The following POTEI variants were observed in gnomAD, a reference collection of about 807,000 sequenced individuals.
POTEI encodes POTE ankyrin domain family member I.
In POTEI, 14 loss-of-function variants were observed where a neutral mutation model predicts 43.4. The ratio of observed to expected loss-of-function variants is 0.32; its 90% CI spans 0.21 to 0.50. POTEI has a LOEUF of 0.50. POTEI is among the 20% of genes least tolerant of loss of function. The probability of loss-of-function intolerance (pLI) is 0.98; values close to 1 mark genes in which losing one functional copy is unlikely to be tolerated. For missense variants in POTEI, 235 were observed against 795.4 expected (o/e 0.30, Z 8.47); for synonymous variants, 95 against 297.9 (o/e 0.32, Z 7.01).
At chr2:130,474,748 A>T (rs1243577667) in intron 12 of POTEI, among the ~76,000 whole-genome samples, 159 bp downstream of exon 12, 592 of 92,244 alleles carry the variant, frequency 6.4e-3, no homozygotes, top group African/African-American at 0.02. Flanking sequence ...ACCTCTTCAA[A>T]ATTCAATGTA....
At position 130,461,315 on chromosome 2, in the gene POTEI, T is replaced by A. The variant is rs1682626615; in HGVS notation, c.*1501A>T. 6.6e-6 allele frequency: 1 copy of A among 152,028 alleles called. No homozygotes were observed. The highest frequency in any genetic ancestry group is 1.5e-5 in the Non-Finnish European group (1 of 68,068). The allele number at this position is 152,028 out of a possible 1,614,324, so 9.4% of individuals were successfully genotyped here. A position where few individuals can be genotyped will look rare whatever the true frequency, so the allele number is the denominator to read the frequency against. Reference sequence around the variant, plus strand: ...GTCGCCCCAACAGCAAAGATGACAATCTGGTCCTCCCCCTGGGAGCTCTGA... The same window carrying A: ...GTCGCCCCAACAGCAAAGATGACAAACTGGTCCTCCCCCTGGGAGCTCTGA... On this transcript the variant is annotated 3_prime_UTR_variant, in exon 15 of 15. Transcript: ENST00000451531.
At chr2:130,477,143 T>C (rs1683222831) in intron 10 of POTEI, among the ~76,000 whole-genome samples, 3 of 151,538 alleles carry the variant, frequency 2.0e-5, no homozygotes, top group African/African-American at 4.9e-5. Context: ...AAATTTATTT[T>C]CTTTTTTTCT....
rs1682571782 is a variant in POTEI at position 130,459,821 on chromosome 2, C to A, written c.*2995G>T. 1 of 123,216 alleles carries A rather than the reference C, an allele frequency of 8.1e-6. No individual in the cohort carries two copies. Among genetic ancestry groups the A allele is most frequent in the South Asian group, 2.7e-4 (1 of 3,714 alleles). 7.6% of individuals were successfully genotyped at this position (123,216 alleles called of 1,614,324 possible). A position where few individuals can be genotyped will look rare whatever the true frequency, so the allele number is the denominator to read the frequency against. On this transcript the variant is annotated 3_prime_UTR_variant, in exon 15 of 15. Coordinates refer to ENST00000451531, the MANE Select transcript of POTEI (RefSeq NM_001277406.2). ...ATCTGGTGATACCAAATTCCCTCAG[C>A]ACTTGCTTGTCTGAAAAGGATCTTA...
At chr2:130,500,138 TTA>T (rs1684002864) in intron 4 of POTEI, among the ~76,000 whole-genome samples, 1 of 48,830 alleles carries the variant, frequency 2.0e-5, no homozygotes, top group African/African-American at 6.1e-5. Flanking sequence ...CAACCCCTAT[TTA>T]TGTTTAATAC....
intron 10 of POTEI, among the ~76,000 whole-genome samples, chr2:130,478,545 C>A (rs1377162023): frequency 6.6e-4 from 57 of 87,008 alleles, no homozygotes; most frequent in African/African-American, 2.7e-3. Flanking sequence ...TGGCTGCAGG[C>A]GGCAAGAGGG....
intron 3 of POTEI, among the ~76,000 whole-genome samples, chr2:130,501,887 CAA>C (rs1201943516): frequency 0.011 from 9 of 852 alleles, no homozygotes; most frequent in African/African-American, 0.012. Context: ...GACCCCATCT[CAA>C]AAAAAAAAAA....
chr2:130,463,809 C>T lies in POTEI; in HGVS notation c.2235G>A (p.Gly745=). Residue 745 remains glycine, a synonymous_variant, in exon 15 of 15, where the codon GGG becomes GGA. Coordinates refer to ENST00000451531, the MANE Select transcript of POTEI (RefSeq NM_001277406.2). ...VGRPRQQGMM[G]GMHQKESYVG... ...CATAGGACTCTTTCTGATGCATGCC[C>T]CCCATCATGCCCTGCTGCCTGGGGC... is the stretch of plus-strand genomic sequence containing the variant. 1 of 1,535,854 alleles carries T rather than the reference C, an allele frequency of 6.5e-7. No homozygotes were observed. The highest frequency in any genetic ancestry group is 8.7e-7 in the Non-Finnish European group (1 of 1,147,368).
rs773696885 is a variant in POTEI, at chr2:130,508,948, G to A, written c.288C>T (p.Ser96=). 6 of 1,591,068 alleles carry A rather than the reference G, an allele frequency of 3.8e-6. 1 individual carries two copies. In the East Asian group the frequency reaches 1.4e-4, roughly 38 times the overall value. The change falls in exon 1 of 15, where the codon AGC becomes AGT. Residue 96 remains serine (S), a synonymous_variant. Transcript: ENST00000451531. ...AGTGGCAGCACCACTTGCCCATCTT[G>A]CTCCTGAGCGTCTTCATAGCGGAGT... ...HDDSAMKTLR[S]KMGKWCCHCF... is the part of the protein sequence containing the mutation.
intron 6 of POTEI, among the ~76,000 whole-genome samples, chr2:130,491,714 G>A (rs868426266): frequency 0.081 from 7,494 of 92,796 alleles, 11 homozygotes; most frequent in Non-Finnish European, 0.12. Flanking sequence ...GTGCAGTGGC[G>A]CAATCTCAGC....
At position 130,471,343 on chromosome 2, in the gene POTEI, A is replaced by G. The variant is rs556334782; in HGVS notation, c.1778+3035T>C. 1.6e-4 allele frequency among the ~76,000 whole-genome samples: 2 copies of G among 12,266 alleles called. 1 individual carries two copies. Among genetic ancestry groups the G allele is most frequent in the African/African-American group, 1.8e-4 (2 of 11,420 alleles). 8.0% of individuals were successfully genotyped at this position (12,266 alleles called of 152,430 possible). The stretch of plus-strand genomic sequence containing the variant: ...GAGAGAAAGATCAGTCAAGAATAAC[A>G]CTGAGGTTTTTGGCAGAGCAACTGG... On this transcript the variant is annotated intron_variant, in intron 13 of 14. Coordinates refer to ENST00000451531, the MANE Select transcript of POTEI (RefSeq NM_001277406.2).
At chr2:130,468,614 G>A (rs1682934146) in intron 13 of POTEI, among the ~76,000 whole-genome samples, 1 of 151,628 alleles carries the variant, frequency 6.6e-6, no homozygotes, top group Admixed American at 6.6e-5. Flanking sequence ...CCGACCCCAT[G>A]AGCCAATCAC....
chr2:130,491,473 C>T (rs556336767), intron 6 of POTEI, among the ~76,000 whole-genome samples: 17 of 133,284 alleles, frequency 1.3e-4, no homozygotes, highest in South Asian at 3.0e-4. Flanking sequence ...TGAGCTGGTG[C>T]GAACCTAAAT....
At chr2:130,483,952 C>T (rs2672109) in intron 9 of POTEI, among the ~76,000 whole-genome samples, 5 of 150,340 alleles carry the variant, frequency 3.3e-5, no homozygotes, top group South Asian at 2.1e-4. Context: ...ACTTATTTAA[C>T]AAGTATTTAT....
intron 13 of POTEI, among the ~76,000 whole-genome samples, chr2:130,474,156 C>G (rs1460436278): frequency 6.6e-6 from 1 of 151,092 alleles, no homozygotes; most frequent in East Asian, 1.9e-4. Flanking sequence ...GAAGAAAATG[C>G]CTTTTCCCTC....
rs1682648543 is a variant in POTEI at position 130,461,869 on chromosome 2, TCA to T, written c.*945_*946del. ...ATGGCGGCCTGCCCCGTCTTTTCTC[TCA>T]GAGTTTTATCTTGTTTCATGGAGCT... On this transcript the variant is annotated 3_prime_UTR_variant, in exon 15 of 15. Coordinates refer to ENST00000451531, the MANE Select transcript of POTEI (RefSeq NM_001277406.2). 2 of 151,958 alleles carry T rather than the reference TCA, an allele frequency of 1.3e-5. No individual in the cohort carries two copies. The highest frequency in any genetic ancestry group is 6.6e-5 in the Admixed American group (1 of 15,266). The allele number at this position is 151,958 out of a possible 1,614,324, so 9.4% of individuals were successfully genotyped here. A position where few individuals can be genotyped will look rare whatever the true frequency, so the allele number is the denominator to read the frequency against.
intron 13 of POTEI, among the ~76,000 whole-genome samples, chr2:130,467,933 G>T (rs1682893468): frequency 7.2e-6 from 1 of 138,968 alleles, no homozygotes; most frequent in African/African-American, 2.7e-5. Context: ...ACTGCAGCCA[G>T]AATGGCCACT....
rs1482755705 is a variant in POTEI, at chr2:130,508,905, C to A, written c.331G>T (p.Gly111Trp). ...WCCHCFPCCR[G>W]SGKSNVGAWG... ...GCACCCACGTTGCTCTTGCCGCTCC[C>A]CCTGCAGCAGGGGAAGCAGTGGCAG... The change falls in exon 1 of 15, where the codon GGG becomes TGG. Residue 111 changes from glycine (G) to tryptophan (W), a missense_variant. Physicochemically the swap from Gly to Trp is radical, Grantham distance 184. Coordinates refer to ENST00000451531, the MANE Select transcript of POTEI (RefSeq NM_001277406.2). 8 of 1,593,862 alleles carry A rather than the reference C, an allele frequency of 5.0e-6. No homozygotes were observed. Among genetic ancestry groups the A allele is most frequent in the Admixed American group, 1.7e-5 (1 of 58,230 alleles).
rs1255631713 is a variant in POTEI at position 130,461,697 on chromosome 2, A to G, written c.*1119T>C. ...GGGAGGTCCTGTCCAGTGAGATGGAACAGGATCAGGGGCCTGCTTACAGAA... is the reference window on the plus strand; with the variant it reads ...GGGAGGTCCTGTCCAGTGAGATGGAGCAGGATCAGGGGCCTGCTTACAGAA... On this transcript the variant is annotated 3_prime_UTR_variant, in exon 15 of 15. Transcript: ENST00000451531. 1.3e-5 allele frequency: 2 copies of G among 151,072 alleles called. No individual in the cohort carries two copies. Among genetic ancestry groups the G allele is most frequent in the African/African-American group, 2.4e-5 (1 of 41,020 alleles). The allele number at this position is 151,072 out of a possible 1,614,324, so 9.4% of individuals were successfully genotyped here.
In POTEI at chr2:130,460,072, T is replaced by C. The variant is rs1682578182; in HGVS notation, c.*2744A>G. On this transcript the variant is annotated 3_prime_UTR_variant, in exon 15 of 15. Transcript: ENST00000451531. ...GAGAGGCAATGTGCAGGCTGGTGCGTGGCTCTAGGGGCCACCTTGCTGCAG... is the reference window on the plus strand; with the variant it reads ...GAGAGGCAATGTGCAGGCTGGTGCGCGGCTCTAGGGGCCACCTTGCTGCAG... 1 of 150,600 alleles carries C rather than the reference T, an allele frequency of 6.6e-6. No homozygotes were observed. The highest frequency in any genetic ancestry group is 2.5e-5 in the African/African-American group (1 of 39,966). The allele number at this position is 150,600 out of a possible 1,614,324, so 9.3% of individuals were successfully genotyped here.
Sources: gnomAD v4.1 joint callset for allele counts (sites outside exome capture counted in the v4.1 genomes callset) on GRCh38, gnomAD v4.1.1 for gene constraint, MANE v1.5 for transcripts, NCBI Gene and HGNC (gene_info 2026-07-23, HGNC 2026-07-21) for gene names.